The following TMEM245 variants were observed in gnomAD, a reference collection of about 807,000 sequenced individuals.
TMEM245 encodes protein CG-2.
Under a neutral mutation model 101.2 loss-of-function variants are expected in TMEM245, and 69 were observed. The observed-to-expected ratio is 0.68, with a 90% confidence interval of 0.56 to 0.83. TMEM245 has a LOEUF of 0.83. TMEM245 is among the 40% of genes least tolerant of loss of function. The pLI is 0.00. For missense variants in TMEM245, 1,075 were observed against 1,092.8 expected (o/e 0.98, Z 0.23); for synonymous variants, 537 against 449.8 (o/e 1.19, Z -2.45).
At chr9:109,094,768 T>TA (rs1431742685) in intron 3 of TMEM245, among the ~76,000 whole-genome samples, 2 of 152,170 alleles carry the variant, frequency 1.3e-5, no homozygotes, top group Non-Finnish European at 2.9e-5. Context: ...CTAAGAACAC[T>TA]AGCAATTCCT....
At chr9:109,100,359 T>C (rs1830253323) in intron 3 of TMEM245, among the ~76,000 whole-genome samples, 1 of 152,190 alleles carries the variant, frequency 6.6e-6, no homozygotes, top group East Asian at 1.9e-4. Context: ...GTCTCACCTC[T>C]GTAGCCCAGG....
intron 11 of TMEM245, among the ~76,000 whole-genome samples, chr9:109,058,804 C>T (rs1278860910): frequency 1.3e-5 from 2 of 152,094 alleles, no homozygotes; most frequent in Admixed American, 6.6e-5. Flanking sequence ...TGGGGTCTCA[C>T]TATGTTGCCC....
At chr9:109,094,139 G>A (rs1446790450) in intron 3 of TMEM245, among the ~76,000 whole-genome samples, 3 of 152,158 alleles carry the variant, frequency 2.0e-5, no homozygotes, top group Non-Finnish European at 4.4e-5. Flanking sequence ...ACATCATGAC[G>A]TTGTTTCACA....
intron 3 of TMEM245, among the ~76,000 whole-genome samples, chr9:109,094,426 A>G (rs1209462109): frequency 1.3e-5 from 2 of 152,228 alleles, no homozygotes; most frequent in African/African-American, 4.8e-5. Flanking sequence ...AGGACTTGAG[A>G]GCCTGAAGTG....
At chr9:109,093,852 T>C (rs1830070965) in intron 3 of TMEM245, among the ~76,000 whole-genome samples, 1 of 152,216 alleles carries the variant, frequency 6.6e-6, no homozygotes, top group African/African-American at 2.4e-5. Context: ...ACATGTAAAC[T>C]TGGAGTCCCA....
chr9:109,052,976 T>TA (rs1239417773), intron 12 of TMEM245, among the ~76,000 whole-genome samples: 3 of 151,924 alleles, frequency 2.0e-5, no homozygotes, highest in African/African-American at 7.3e-5. Context: ...CTGGAGAAAA[T>TA]AGAGGAAGAA....
chr9:109,027,460 G>A (rs1365172307), intron 17 of TMEM245, among the ~76,000 whole-genome samples: 1 of 152,174 alleles, frequency 6.6e-6, no homozygotes, highest in African/African-American at 2.4e-5. Context: ...ACATCTTGAA[G>A]GCTGTCCAGA....
intron 12 of TMEM245, among the ~76,000 whole-genome samples, 170 bp from the exon 13 acceptor site, chr9:109,050,862 G>C (rs927648656): frequency 6.7e-6 from 1 of 149,864 alleles, no homozygotes; most frequent in Admixed American, 6.7e-5. Context: ...ACCAAAAACA[G>C]TTGTATACTC....
intron 17 of TMEM245, among the ~76,000 whole-genome samples, chr9:109,027,301 C>T (rs576811685): frequency 1.3e-5 from 2 of 151,824 alleles, no homozygotes; most frequent in East Asian, 1.9e-4. Flanking sequence ...AGCCAAGCAG[C>T]TGACTCCACC....
chr9:109,057,056 T>G (rs1401314657), intron 12 of TMEM245, 135 bp downstream of exon 12: 53 of 960,362 alleles, frequency 5.5e-5, no homozygotes, highest in Non-Finnish European at 8.0e-5. Flanking sequence ...CCTAGTGCAT[T>G]TAGAGTTCTC....
Position 109,057,265 on chromosome 9 carries a change from T to C in TMEM245, c.1780A>G (p.Ser594Gly), listed in dbSNP as rs1241667164. The change falls in exon 12 of 18, where the codon AGC (serine) becomes GGC (glycine). Residue 594 changes from serine (S) to glycine (G), a missense_variant. By Grantham distance (56) the Ser-to-Gly change is moderately conservative. Coordinates refer to ENST00000374586, the MANE Select transcript of TMEM245 (RefSeq NM_032012.4). ...GQKLHVSRQN[S>G]WLGDILDWQD... ...CAGTCCAGAATGTCTCCCAGCCAGC[T>C]ATTCTGACGACTGACATGCAACTTC... The C allele has an allele frequency of 6.2e-7, 1 of 1,614,176 alleles. No individual in the cohort carries two copies.
intron 3 of TMEM245, among the ~76,000 whole-genome samples, chr9:109,099,118 C>A (rs1830217738): frequency 6.6e-6 from 1 of 152,192 alleles, no homozygotes; most frequent in Admixed American, 6.5e-5. Context: ...TAACACCTCC[C>A]CAGCCTGCAA....
intron 8 of TMEM245, among the ~76,000 whole-genome samples, chr9:109,076,372 A>G (rs1380418129): frequency 4.0e-5 from 2 of 50,114 alleles, no homozygotes; most frequent in Non-Finnish European, 3.9e-5. Context: ...ACACACCGGG[A>G]CCCACTGTGG....
At chr9:109,119,213 CGGTCACTGCAGCACA>C in intron 1 of TMEM245, 107 bp downstream of exon 1, 1 of 889,232 alleles carries the variant, frequency 1.1e-6, no homozygotes, top group South Asian at 2.0e-5. Context: ...CGGAGACGGA[CGGTCACTGCAGCACA>C]GGTGTGGCCC....
intron 8 of TMEM245, among the ~76,000 whole-genome samples, chr9:109,080,478 C>G (rs1829635111): frequency 6.6e-6 from 1 of 151,512 alleles, no homozygotes; most frequent in Non-Finnish European, 1.5e-5. Flanking sequence ...TGGTAATCAG[C>G]AAATTCTGAT....
chr9:109,116,993 T>C (rs1031182702), intron 1 of TMEM245, among the ~76,000 whole-genome samples: 2 of 152,196 alleles, frequency 1.3e-5, no homozygotes, highest in Non-Finnish European at 2.9e-5. Context: ...TTAGCCCTTC[T>C]ACCACTCCCT....
chr9:109,021,820 A>G (rs72758402), intron 17 of TMEM245, among the ~76,000 whole-genome samples: 1 of 151,962 alleles, frequency 6.6e-6, no homozygotes, highest in Non-Finnish European at 1.5e-5. Flanking sequence ...CCACCCCCCC[A>G]AAAAAAGCAA....
rs1827551321 is a variant in TMEM245 at position 109,019,370 on chromosome 9, A to G, written c.*1090T>C. On this transcript the variant is annotated 3_prime_UTR_variant, in exon 18 of 18. Transcript: ENST00000374586. ...ACCTTAGCTTCTCCATCAGTGTAAA[A>G]CTGATGTAAAATAATATAAAGCTAT... 1 of 152,212 alleles carries G rather than the reference A, an allele frequency of 6.6e-6. No homozygotes were observed. The highest frequency in any genetic ancestry group is 2.4e-5 in the African/African-American group (1 of 41,448). The allele number at this position is 152,212 out of a possible 1,614,324, so 9.4% of individuals were successfully genotyped here. A position where few individuals can be genotyped will look rare whatever the true frequency, so the allele number is the denominator to read the frequency against.
chr9:109,107,872 A>T (rs1039707749), intron 2 of TMEM245, among the ~76,000 whole-genome samples: 4 of 152,188 alleles, frequency 2.6e-5, no homozygotes, highest in Admixed American at 2.0e-4. Flanking sequence ...AGCAGCTCTG[A>T]CATGAATCAT....
Sources: gnomAD v4.1 joint callset for allele counts (sites outside exome capture counted in the v4.1 genomes callset) on GRCh38, gnomAD v4.1.1 for gene constraint, MANE v1.5 for transcripts, NCBI Gene and HGNC (gene_info 2026-07-23, HGNC 2026-07-21) for gene names.